BAD: variants seen among roughly 807,000 people sequenced by gnomAD.
BAD encodes the protein bcl2-associated agonist of cell death.
In BAD, 18 loss-of-function variants were observed where a neutral mutation model predicts 17.8. The ratio of observed to expected loss-of-function variants is 1.01; its 90% CI spans 0.70 to 1.50. The LOEUF (loss-of-function observed/expected upper bound fraction) is 1.50. Ranked by LOEUF, BAD falls within the 40% of genes most tolerant of loss-of-function variation. The probability of loss-of-function intolerance (pLI) is 0.00; values close to 1 mark genes in which losing one functional copy is unlikely to be tolerated. For synonymous variants in BAD, 112 were observed against 91.5 expected, an observed-to-expected ratio of 1.22 and a Z score of -1.28; for missense variants, 294 against 239.3, an observed-to-expected ratio of 1.23 and a Z score of -1.51.
chr11:64,271,954 G>C (rs907602009), intron 2 of BAD, 151 bp from the exon 3 acceptor site: 7 of 518,868 alleles, frequency 1.3e-5, no homozygotes, highest in African/African-American at 1.2e-4. Flanking sequence ...CCAGTCCCTT[G>C]TATGTGAATC....
At position 64,284,177 on chromosome 11, in the gene BAD, C is replaced by A; in HGVS notation, c.187+5G>T. On this transcript the variant is annotated splice_donor_5th_base_variant and intron_variant, in intron 2 of 3. Coordinates refer to ENST00000309032, the MANE Select transcript of BAD (RefSeq NM_032989.3). ...CCCGGCAGGTGGAGGTGGTGGGGTA[C>A]TTACCTCCATGATGGCTGCTGCTGG... 1 of 1,586,016 alleles carries A rather than the reference C, an allele frequency of 6.3e-7. No individual in the cohort carries two copies. The highest frequency in any genetic ancestry group is 2.2e-5 in the East Asian group (1 of 44,564).
At chr11:64,284,583 G>C in intron 1 of BAD, 48 bp downstream of exon 1, 1 of 1,495,018 alleles carries the variant, frequency 6.7e-7, no homozygotes, top group African/African-American at 1.4e-5. Context: ...CAGAACCCCG[G>C]TGGACCCAGG....
chr11:64,274,324 T>C, intron 2 of BAD, among the ~76,000 whole-genome samples: 1 of 151,708 alleles, frequency 6.6e-6, no homozygotes, highest in Non-Finnish European at 1.5e-5. Flanking sequence ...GAGGCGGAGC[T>C]TGCAGTGAGC....
intron 3 of BAD, among the ~76,000 whole-genome samples, chr11:64,270,900 GACAC>G (rs71045754): frequency 0.19 from 16,570 of 87,668 alleles, 1,947 homozygotes; most frequent in Admixed American, 0.26. Flanking sequence ...TGCCCTGTGA[GACAC>G]ACACACACAC....
intron 2 of BAD, 151 bp downstream of exon 2, chr11:64,284,031 T>C (rs1399628675): frequency 9.1e-6 from 8 of 878,464 alleles, no homozygotes; most frequent in Admixed American, 5.7e-5. Context: ...ATGGTGGTTA[T>C]TAATTGCTGT....
intron 2 of BAD, chr11:64,276,216 G>C (rs1431606548): frequency 6.6e-6 from 1 of 151,920 alleles, no homozygotes; most frequent in African/African-American, 2.4e-5. Flanking sequence ...TTGTTATCAA[G>C]ATGATACCCA....
At chr11:64,282,113 T>C (rs1436800124) in intron 2 of BAD, among the ~76,000 whole-genome samples, 2 of 152,130 alleles carry the variant, frequency 1.3e-5, no homozygotes, top group South Asian at 2.1e-4. Context: ...ACCAGCTCAC[T>C]AGAAGGTAAG....
In BAD at chr11:64,274,992, C is replaced by CAAAAAAAAAAAAAA. The variant is rs34418386; in HGVS notation, c.188-3203_188-3190dup. Among the ~76,000 whole-genome samples, 7 of 54,406 alleles carry CAAAAAAAAAAAAAA rather than the reference C, an allele frequency of 1.3e-4. 1 individual carries two copies. Among genetic ancestry groups the CAAAAAAAAAAAAAA allele is most frequent in the African/African-American group, 6.5e-4 (7 of 10,830 alleles). 35.7% of individuals were successfully genotyped at this position (54,406 alleles called of 152,430 possible). A position where few individuals can be genotyped will look rare whatever the true frequency, so the allele number is the denominator to read the frequency against. On this transcript the variant is annotated intron_variant, in intron 2 of 3. Coordinates refer to ENST00000309032, the MANE Select transcript of BAD (RefSeq NM_032989.3). ...TGGGAGACAGAGTGAGACTTTGTCT[C>CAAAAAAAAAAAAAA]AAAAAAAAAAAAAAAAAAAAAAAGC...
At position 64,284,283 on chromosome 11, in the gene BAD, TCCCCTGCGGGGCTGGGGCCCAGG is replaced by T. The variant is rs1300810900; in HGVS notation, c.63_85del (p.Leu22ArgfsTer90). On this transcript the variant is annotated frameshift_variant, in exon 2 of 4. Coordinates refer to ENST00000309032, the MANE Select transcript of BAD (RefSeq NM_032989.3). LOFTEE classifies it high-confidence loss of function. ...ATGCTTGCCGGAGCCTGAGGGCCCGTCCCCTGCGGGGCTGGGGCCCAGGCCCCTCTCTGCAGAGCTGGAGTCTT... is the reference window on the plus strand; with the variant it reads ...ATGCTTGCCGGAGCCTGAGGGCCCGTCCCCTCTCTGCAGAGCTGGAGTCTT... 6.2e-7 allele frequency: 1 copy of T among 1,611,702 alleles called. No individual in the cohort carries two copies. The highest frequency in any genetic ancestry group is 8.5e-7 in the Non-Finnish European group (1 of 1,179,918).
intron 2 of BAD, among the ~76,000 whole-genome samples, chr11:64,274,694 GC>G (rs2032920207): frequency 6.6e-6 from 1 of 152,088 alleles, no homozygotes; most frequent in African/African-American, 2.4e-5. Context: ...GGTGGCGCGA[GC>G]CTGTAATCCC....
In BAD at chr11:64,271,674, GC is replaced by G; in HGVS notation, c.316del (p.Ala106GlnfsTer12). Reference protein sequence around the residue: ...RSRSAPPNLWAAQRYGRELRR... With the variant: ...RSRSAPPNLWXAQRYGRELRR... Reference sequence around the variant, plus strand: ...GAGCTCGCGGCCATAGCGCTGTGCTGCCCAGAGGTTGGGGGGCGCCGAGCGC... The same window carrying G: ...GAGCTCGCGGCCATAGCGCTGTGCTGCCAGAGGTTGGGGGGCGCCGAGCGC... On this transcript the variant is annotated frameshift_variant, in exon 3 of 4. Transcript: ENST00000309032. LOFTEE classifies it high-confidence loss of function. 6.7e-7 allele frequency: 1 copy of G among 1,501,030 alleles called. No individual in the cohort carries two copies. Among genetic ancestry groups the G allele is most frequent in the Non-Finnish European group, 8.9e-7 (1 of 1,123,810 alleles). The allele number at this position is 1,501,030 out of a possible 1,614,324, so 93.0% of individuals were successfully genotyped here.
In BAD at chr11:64,284,656, A is replaced by C; in HGVS notation, c.-34T>G. ...CCCAAGCCCGATCTCGAGGCCCCTG[A>C]CCCGGGCCTGCCGCCTCCCTCCAGC... On this transcript the variant is annotated 5_prime_UTR_variant, in exon 1 of 4. Transcript: ENST00000309032. 2.0e-6 allele frequency: 3 copies of C among 1,533,506 alleles called. No homozygotes were observed. In the South Asian group the frequency reaches 3.6e-5, roughly 18 times the overall value. 95.0% of individuals were successfully genotyped at this position (1,533,506 alleles called of 1,614,324 possible). A position where few individuals can be genotyped will look rare whatever the true frequency, so the allele number is the denominator to read the frequency against.
intron 2 of BAD, chr11:64,275,686 G>A (rs1216540676): frequency 1.3e-5 from 2 of 152,140 alleles, no homozygotes; most frequent in East Asian, 3.9e-4. Flanking sequence ...AACGGCAGCT[G>A]TTCTCCTCCA....
Position 64,269,873 on chromosome 11 carries a change from G to C in BAD, c.*336C>G, listed in dbSNP as rs745316042. ...TTTATTAACATTTGGTAGTGAGCAC[G>C]GCCCCCAGGGCATCGCGGGGGCTCG... On this transcript the variant is annotated 3_prime_UTR_variant, in exon 4 of 4. Coordinates refer to ENST00000309032, the MANE Select transcript of BAD (RefSeq NM_032989.3). 3.3e-5 allele frequency: 23 copies of C among 698,648 alleles called. No individual in the cohort carries two copies. The highest frequency in any genetic ancestry group is 5.7e-5 in the Non-Finnish European group (22 of 384,356). The allele number at this position is 698,648 out of a possible 1,614,324, so 43.3% of individuals were successfully genotyped here.
chr11:64,276,744 C>T (rs919452865), intron 2 of BAD: 5 of 587,006 alleles, frequency 8.5e-6, no homozygotes, highest in South Asian at 8.2e-5. Flanking sequence ...TCTCCCTTCT[C>T]TGGGGAAGGG....
At chr11:64,280,023 TTAA>T (rs2033336015) in intron 2 of BAD, among the ~76,000 whole-genome samples, 1 of 150,828 alleles carries the variant, frequency 6.6e-6, no homozygotes, top group South Asian at 2.1e-4. Flanking sequence ...GTCTCTAAAA[TTAA>T]TAATAATTTG....
Position 64,284,655 on chromosome 11 carries a change from G to C in BAD, c.-33C>G, listed in dbSNP as rs937954688. On this transcript the variant is annotated 5_prime_UTR_variant, in exon 1 of 4. Transcript: ENST00000309032. ...CCCCAAGCCCGATCTCGAGGCCCCTGACCCGGGCCTGCCGCCTCCCTCCAG... is the reference window on the plus strand; with the variant it reads ...CCCCAAGCCCGATCTCGAGGCCCCTCACCCGGGCCTGCCGCCTCCCTCCAG... The C allele has an allele frequency of 1.4e-5, 22 of 1,533,862 alleles. No individual in the cohort carries two copies. The highest frequency in any genetic ancestry group is 1.8e-5 in the Non-Finnish European group (21 of 1,145,922).
chr11:64,284,687 G>C (rs28417526), upstream of BAD: 33 of 1,535,502 alleles, frequency 2.1e-5, no homozygotes, highest in Non-Finnish European at 2.7e-5. Flanking sequence ...CCAGCACCCC[G>C]GGCTCCGGGC....
At chr11:64,276,924 C>T in intron 2 of BAD, 4 of 761,594 alleles carry the variant, frequency 5.3e-6, no homozygotes, top group Non-Finnish European at 7.3e-6. Flanking sequence ...ACATTCTCTG[C>T]GTGTTGGGCT....
Sources: allele counts gnomAD v4.1 joint callset (sites outside exome capture counted in the v4.1 genomes callset), GRCh38; gene constraint gnomAD v4.1.1; transcripts MANE v1.5; gene names NCBI Gene and HGNC (gene_info 2026-07-23, HGNC 2026-07-21).